PTPRN2: variants seen among roughly 807,000 people sequenced by gnomAD.
The protein encoded by PTPRN2 is protein tyrosine phosphatase receptor type N2, also known as receptor-type tyrosine-protein phosphatase N2.
PTPRN2 carries 74 observed loss-of-function variants against 118.8 expected under a neutral mutation model. The ratio of observed to expected loss-of-function variants is 0.62; its 90% CI spans 0.52 to 0.76. PTPRN2 has a LOEUF of 0.76. Ranked by LOEUF, PTPRN2 falls within the 30% of genes least tolerant of loss-of-function variation. The pLI, the probability that PTPRN2 is intolerant of heterozygous loss-of-function variation, is 0.00. For missense variants in PTPRN2, 1,481 were observed against 1,394.4 expected (o/e 1.06, Z -0.99); for synonymous variants, 641 against 608.0 (o/e 1.05, Z -0.80).
Position 158,171,308 on chromosome 7 carries a change from CATATATATATATATAT to C in PTPRN2, c.550-4033_550-4018del, listed in dbSNP as rs71198580. Among the ~76,000 whole-genome samples the C allele has an allele frequency of 4.9e-3, 237 of 48,654 alleles. 20 individuals are homozygous for C. In the East Asian group the frequency reaches 0.051, roughly 11 times the overall value. 31.9% of individuals were successfully genotyped at this position (48,654 alleles called of 152,430 possible). On this transcript the variant is annotated intron_variant, in intron 5 of 22. Coordinates refer to ENST00000389418, the MANE Select transcript of PTPRN2 (RefSeq NM_002847.5). Reference sequence around the variant, plus strand: ...ATATATACACACATATATATACACACATATATATATATATATATATATATATATATATATATATATA... The same window carrying C: ...ATATATACACACATATATATACACACATATATATATATATATATATATATA...
At chr7:158,082,409 C>T (rs1812911283) in intron 10 of PTPRN2, among the ~76,000 whole-genome samples, 1 of 152,208 alleles carries the variant, frequency 6.6e-6, no homozygotes, top group African/African-American at 2.4e-5. Context: ...CTCATGATAC[C>T]TCAGTCCCAA....
chr7:158,047,045 G>A (rs571706713), intron 11 of PTPRN2, among the ~76,000 whole-genome samples: 7 of 152,256 alleles, frequency 4.6e-5, no homozygotes, highest in East Asian at 3.9e-4. Context: ...CCCGCCCCTC[G>A]CCCCGGAATG....
At chr7:158,501,047 G>T (rs928804253) in intron 1 of PTPRN2, among the ~76,000 whole-genome samples, 1 of 152,266 alleles carries the variant, frequency 6.6e-6, no homozygotes, top group African/African-American at 2.4e-5. Context: ...TGTGAGGCTC[G>T]GAGCACTCAG....
chr7:157,855,221 C>T (rs944674066), intron 12 of PTPRN2, among the ~76,000 whole-genome samples: 7 of 151,590 alleles, frequency 4.6e-5, no homozygotes, highest in African/African-American at 1.7e-4. Flanking sequence ...AGGATGGCTG[C>T]ACCATTGCAG....
At chr7:158,507,193 C>T (rs1408350189) in intron 1 of PTPRN2, among the ~76,000 whole-genome samples, 2 of 152,162 alleles carry the variant, frequency 1.3e-5, no homozygotes, top group Non-Finnish European at 2.9e-5. Context: ...TCAGTGAGGA[C>T]CGTCCAGGGG....
Position 158,041,826 on chromosome 7 carries a change from T to C in PTPRN2, c.1723+39472A>G, listed in dbSNP as rs576933387. Among the ~76,000 whole-genome samples, 3 of 152,306 alleles carry C rather than the reference T, an allele frequency of 2.0e-5. No individual in the cohort carries two copies. The South Asian group carries it at 6.2e-4, about 32-fold the overall frequency. ...GATTCTGAGGCCAGCTCTAAGTCTT[T>C]GCTGTCATTGACATGTGACCCTTCC... is the stretch of plus-strand genomic sequence containing the variant. On this transcript the variant is annotated intron_variant, in intron 11 of 22. Coordinates refer to ENST00000389418, the MANE Select transcript of PTPRN2 (RefSeq NM_002847.5).
At chr7:158,428,473 C>T (rs1038949328) in intron 2 of PTPRN2, among the ~76,000 whole-genome samples, 15 of 152,312 alleles carry the variant, frequency 9.8e-5, no homozygotes, top group African/African-American at 3.6e-4. Flanking sequence ...TCTGAGGAAA[C>T]GGCTGCTGGC....
chr7:157,664,266 A>C (rs913500747), intron 13 of PTPRN2, among the ~76,000 whole-genome samples: 3 of 152,258 alleles, frequency 2.0e-5, no homozygotes, highest in African/African-American at 7.2e-5. Flanking sequence ...ATACTTCTTT[A>C]AAACCTCAGT....
intron 1 of PTPRN2, among the ~76,000 whole-genome samples, chr7:158,512,173 T>A (rs1040824445): frequency 6.6e-6 from 1 of 152,182 alleles, no homozygotes; most frequent in Non-Finnish European, 1.5e-5. Context: ...AGTGCTGACC[T>A]ACATAGCTCT....
intron 12 of PTPRN2, among the ~76,000 whole-genome samples, chr7:157,733,085 C>A (rs1800043285): frequency 2.7e-5 from 1 of 37,554 alleles, no homozygotes; most frequent in Non-Finnish European, 5.2e-5. Flanking sequence ...GTTACTCTTC[C>A]GTCCCATGCG....
intron 1 of PTPRN2, among the ~76,000 whole-genome samples, chr7:158,507,285 A>C (rs1822818430): frequency 6.6e-6 from 1 of 151,814 alleles, no homozygotes; most frequent in Non-Finnish European, 1.5e-5. Context: ...TGTGCAGGAG[A>C]CTGCACACAA....
At chr7:158,327,219 A>G (rs1803674526) in intron 2 of PTPRN2, among the ~76,000 whole-genome samples, 1 of 151,348 alleles carries the variant, frequency 6.6e-6, no homozygotes, top group African/African-American at 2.5e-5. Flanking sequence ...TCAAACACAC[A>G]CGTAAACATT....
At chr7:157,707,402 A>G (rs12668670) in intron 12 of PTPRN2, among the ~76,000 whole-genome samples, 103,745 of 151,960 alleles carry the variant, frequency 0.68, 35,675 homozygotes, top group South Asian at 0.8. Flanking sequence ...ACACACGTGG[A>G]GATAGAGTCG....
At chr7:157,693,219 T>A (rs939987079) in intron 12 of PTPRN2, among the ~76,000 whole-genome samples, 14 of 151,966 alleles carry the variant, frequency 9.2e-5, no homozygotes, top group African/African-American at 3.4e-4. Context: ...AACCGGCCTC[T>A]CCATAGCAAC....
rs769745688 is a variant in PTPRN2 at position 158,361,218 on chromosome 7, G to A, written c.164-44286C>T. ...CACACCCTGGCAACCCACAGACCCC[G>A]CGTCCACCCTCACCTGGGGTGACCC... is the stretch of plus-strand genomic sequence containing the variant. On this transcript the variant is annotated intron_variant, in intron 2 of 22. Transcript: ENST00000389418. Among the ~76,000 whole-genome samples the A allele has an allele frequency of 2.3e-4, 2 of 8,720 alleles. 1 individual carries two copies. Among genetic ancestry groups the A allele is most frequent in the Non-Finnish European group, 4.7e-4 (2 of 4,234 alleles). 5.7% of individuals were successfully genotyped at this position (8,720 alleles called of 152,430 possible).
intron 11 of PTPRN2, among the ~76,000 whole-genome samples, chr7:158,021,345 C>T (rs1056901576): frequency 6.6e-6 from 1 of 152,108 alleles, no homozygotes; most frequent in South Asian, 2.1e-4. Flanking sequence ...AGGGAGGAAA[C>T]ATGGAAGATA....
chr7:158,340,569 T>A (rs1806519763), intron 2 of PTPRN2, among the ~76,000 whole-genome samples: 1 of 117,172 alleles, frequency 8.5e-6, no homozygotes, highest in Non-Finnish European at 1.8e-5. Flanking sequence ...ACCCACAATC[T>A]CACCATAAGA....
chr7:158,129,902 T>G (rs541588211), intron 9 of PTPRN2, among the ~76,000 whole-genome samples: 1 of 152,136 alleles, frequency 6.6e-6, no homozygotes, highest in African/African-American at 2.4e-5. Flanking sequence ...GTGGGACGCC[T>G]CCTCCAAGCA....
chr7:158,542,404 C>T (rs752871989), intron 1 of PTPRN2, among the ~76,000 whole-genome samples: 7 of 152,238 alleles, frequency 4.6e-5, no homozygotes, highest in Admixed American at 6.5e-5. Flanking sequence ...CCGCCCACCT[C>T]GGCCTCCCAA....
Sources: allele counts gnomAD v4.1 joint callset (sites outside exome capture counted in the v4.1 genomes callset), GRCh38; gene constraint gnomAD v4.1.1; transcripts MANE v1.5; gene names NCBI Gene and HGNC (gene_info 2026-07-23, HGNC 2026-07-21).